NFIB: variants seen among roughly 807,000 people sequenced by gnomAD.
NFIB encodes nuclear factor 1 B-type.
In NFIB, 11 loss-of-function variants were observed where a neutral mutation model predicts 61.5. The ratio of observed to expected loss-of-function variants is 0.18; its 90% CI spans 0.11 to 0.30. The LOEUF (loss-of-function observed/expected upper bound fraction) is 0.30. Ranked by LOEUF, NFIB falls within the 10% of genes least tolerant of loss-of-function variation. The pLI is 1.00. For synonymous variants in NFIB, 260 were observed against 216.5 expected, an observed-to-expected ratio of 1.20 and a Z score of -1.76; for missense variants, 471 against 608.9, an observed-to-expected ratio of 0.77 and a Z score of 2.38.
chr9:14,182,722 G>C (rs1318990304), intron 2 of NFIB, among the ~76,000 whole-genome samples: 4,516 of 141,104 alleles, frequency 0.032, 149 homozygotes, highest in East Asian at 0.14. Flanking sequence ...GTGTGTGTGT[G>C]TGTGTGTGTG....
At chr9:14,116,921 T>G (rs1303913967) in intron 8 of NFIB, among the ~76,000 whole-genome samples, 1 of 152,200 alleles carries the variant, frequency 6.6e-6, no homozygotes, top group East Asian at 1.9e-4. Flanking sequence ...TACACACAGG[T>G]GTGCTGAGAT....
intron 1 of NFIB, among the ~76,000 whole-genome samples, chr9:14,380,096 T>C (rs767115295): frequency 6.6e-6 from 1 of 152,208 alleles, no homozygotes; most frequent in Non-Finnish European, 1.5e-5. Context: ...TATACAATTT[T>C]CTAAACACAT....
chr9:14,509,701 T>A, the NFIB span, among the ~76,000 whole-genome samples: 1 of 151,936 alleles, frequency 6.6e-6, no homozygotes, highest in Non-Finnish European at 1.5e-5. Context: ...GAAACAACCA[T>A]CCCACCCCTG....
intron 2 of NFIB, among the ~76,000 whole-genome samples, chr9:14,294,794 T>C (rs966183655): frequency 2.0e-5 from 3 of 152,224 alleles, no homozygotes; most frequent in African/African-American, 7.2e-5. Flanking sequence ...AAGAATATGA[T>C]GCCTTTTTAC....
At chr9:14,375,583 G>A (rs181309988) in intron 1 of NFIB, among the ~76,000 whole-genome samples, 35 of 152,166 alleles carry the variant, frequency 2.3e-4, no homozygotes, top group Admixed American at 9.2e-4. Context: ...GCTTGAAACC[G>A]GAAGGTGGAG....
In NFIB at chr9:14,312,987, C is replaced by T. The variant is rs569669603; in HGVS notation, c.30+495G>A. The stretch of plus-strand genomic sequence containing the variant: ...AACCTCCGACTCGATTCGTCGCCCG[C>T]CCACCGCCTGCAGCGCAGTCCAGCG... On this transcript the variant is annotated intron_variant, in intron 1 of 10. Transcript: ENST00000380953. Among the ~76,000 whole-genome samples, 3 of 152,348 alleles carry T rather than the reference C, an allele frequency of 2.0e-5. No homozygotes were observed. In the South Asian group the frequency reaches 6.2e-4, roughly 32 times the overall value.
At chr9:14,363,004 C>T (rs2061257735) in intron 1 of NFIB, 1 of 152,104 alleles carries the variant, frequency 6.6e-6, no homozygotes, top group Non-Finnish European at 1.5e-5. Context: ...TTAGGGGCCT[C>T]TTCCAAACTC....
At chr9:14,236,154 C>A (rs546961213) in intron 2 of NFIB, among the ~76,000 whole-genome samples, 1 of 152,280 alleles carries the variant, frequency 6.6e-6, no homozygotes, top group East Asian at 1.9e-4. Flanking sequence ...ATTATAGCTA[C>A]CAGTTTTATA....
chr9:14,250,238 C>A (rs961006238), intron 2 of NFIB, among the ~76,000 whole-genome samples: 11 of 151,718 alleles, frequency 7.3e-5, no homozygotes, highest in African/African-American at 2.4e-4. Context: ...CAGGAAGAAT[C>A]CATTAGACAG....
At chr9:14,179,864 T>A in intron 2 of NFIB, 84 bp from the exon 3 acceptor site, 1 of 1,393,848 alleles carries the variant, frequency 7.2e-7, no homozygotes, top group African/African-American at 1.4e-5. Context: ...AAAAAAAAAT[T>A]TGAAGGTATA....
chr9:14,367,823 G>A (rs1012344060), intron 1 of NFIB, among the ~76,000 whole-genome samples: 1 of 152,132 alleles, frequency 6.6e-6, no homozygotes, highest in Non-Finnish European at 1.5e-5. Context: ...AGAGGGAGTT[G>A]AACAATGGGA....
At position 14,189,360 on chromosome 9, in the gene NFIB, G is replaced by A. The variant is rs184699683; in HGVS notation, c.563-9580C>T. Among the ~76,000 whole-genome samples the A allele has an allele frequency of 5.2e-3, 792 of 152,298 alleles. 3 individuals carry two copies. Among genetic ancestry groups the A allele is most frequent in the Non-Finnish European group, 8.1e-3 (551 of 68,032 alleles). On this transcript the variant is annotated intron_variant, in intron 2 of 10. Coordinates refer to ENST00000380953, the MANE Select transcript of NFIB (RefSeq NM_001190737.2). ...TCTATCCGGCAACTGCCAAGCACTA[G>A]CACGCTGACTCTAAGCAAACCATTT...
At chr9:14,381,351 C>G (rs2061487295) in intron 1 of NFIB, among the ~76,000 whole-genome samples, 1 of 151,800 alleles carries the variant, frequency 6.6e-6, no homozygotes, top group East Asian at 2.0e-4. Context: ...GCCACCATGC[C>G]CAGCTAATTT....
chr9:14,311,635 C>T (rs1183053193), intron 1 of NFIB, among the ~76,000 whole-genome samples: 2 of 152,152 alleles, frequency 1.3e-5, no homozygotes, highest in Admixed American at 6.5e-5. Flanking sequence ...TGTCTCAATG[C>T]TGCAATATTA....
intron 2 of NFIB, among the ~76,000 whole-genome samples, chr9:14,247,430 C>T (rs1480372569): frequency 6.6e-6 from 1 of 152,156 alleles, no homozygotes; most frequent in Non-Finnish European, 1.5e-5. Context: ...TAAAGTCCTG[C>T]CTTTCAAATC....
At chr9:14,152,093 A>C (rs2131174548) in intron 4 of NFIB, among the ~76,000 whole-genome samples, 1 of 152,256 alleles carries the variant, frequency 6.6e-6, no homozygotes, top group African/African-American at 2.4e-5. Context: ...ATCACAGAGA[A>C]GTAACCACGG....
chr9:14,481,195 G>GTATATATATATATATA, the NFIB span, among the ~76,000 whole-genome samples: 12 of 35,064 alleles, frequency 3.4e-4, no homozygotes, highest in African/African-American at 8.3e-4. Context: ...GTGTGTGTGT[G>GTATATATATATATATA]TGTATATATA....
At chr9:14,381,419 G>C (rs1333856472) in intron 1 of NFIB, among the ~76,000 whole-genome samples, 1 of 152,098 alleles carries the variant, frequency 6.6e-6, no homozygotes, top group African/African-American at 2.4e-5. Flanking sequence ...TTGAACTCCT[G>C]GGCTCAAGTG....
Position 14,327,048 on chromosome 9 carries a change from T to A in NFIB, c.109-19528A>T, listed in dbSNP as rs1056702715. Among the ~76,000 whole-genome samples the A allele has an allele frequency of 5.4e-4, 82 of 152,296 alleles. 1 individual carries two copies. The highest frequency in any genetic ancestry group is 3.4e-3 in the Middle Eastern group (1 of 294). On this transcript the variant is annotated intron_variant, in intron 1 of 8. Coordinates refer to the NFIB transcript ENST00000380934. ...AAAAGCAAGTGTTTTCTGCAAAAAA[T>A]TTCAGGATATTTTATGCCATATTAA...
Sources: gnomAD v4.1 joint callset for allele counts (sites outside exome capture counted in the v4.1 genomes callset) on GRCh38, gnomAD v4.1.1 for gene constraint, MANE v1.5 for transcripts, NCBI Gene and HGNC (gene_info 2026-07-23, HGNC 2026-07-21) for gene names.